CDYL: variants seen among roughly 807,000 people sequenced by gnomAD.
The protein encoded by CDYL is chromodomain Y-like protein.
In CDYL, 8 loss-of-function variants were observed where a neutral mutation model predicts 47.3. The ratio of observed to expected loss-of-function variants is 0.17; its 90% confidence interval spans 0.10 to 0.31. CDYL has a LOEUF of 0.31. CDYL is among the 10% of genes least tolerant of loss of function. The pLI is 1.00. For synonymous variants in CDYL, 266 were observed against 265.0 expected (o/e 1.00, Z -0.04); for missense variants, 471 against 701.4 (o/e 0.67, Z 3.71).
At chr6:4,709,773 C>T (rs1304925779) in intron 1 of CDYL, among the ~76,000 whole-genome samples, 1 of 152,226 alleles carries the variant, frequency 6.6e-6, no homozygotes, top group East Asian at 1.9e-4. Flanking sequence ...TCCTTGAAGA[C>T]AGGACAAAGG....
intron 3 of CDYL, among the ~76,000 whole-genome samples, chr6:4,741,977 C>T (rs1459776183): frequency 6.6e-6 from 1 of 152,060 alleles, no homozygotes; most frequent in Admixed American, 6.6e-5. Context: ...TGGTAATTTG[C>T]AAACCAAAAA....
chr6:4,817,513 A>G (rs911335049), intron 1 of CDYL, among the ~76,000 whole-genome samples: 1 of 152,164 alleles, frequency 6.6e-6, no homozygotes, highest in African/African-American at 2.4e-5. Context: ...TTTGATAGAA[A>G]AGTGTTATCT....
chr6:4,748,076 C>T (rs983395656), intron 3 of CDYL, among the ~76,000 whole-genome samples: 3 of 152,000 alleles, frequency 2.0e-5, no homozygotes, highest in Admixed American at 6.5e-5. Context: ...TGTCAGGGAG[C>T]TTCTCGACAC....
intron 1 of CDYL, among the ~76,000 whole-genome samples, chr6:4,885,069 C>G (rs1423030492): frequency 6.6e-6 from 1 of 152,144 alleles, no homozygotes; most frequent in Admixed American, 6.6e-5. Flanking sequence ...TCACAGCTCA[C>G]TGTAGCCTAG....
intron 2 of CDYL, among the ~76,000 whole-genome samples, chr6:4,924,993 A>G (rs756633475): frequency 1.3e-5 from 2 of 152,244 alleles, no homozygotes; most frequent in Non-Finnish European, 2.9e-5. Flanking sequence ...TTGCCTGTAG[A>G]AGTGGGCCTT....
In CDYL at chr6:4,722,894, C is replaced by T. The variant is rs116769484; in HGVS notation, c.103+7013C>T. ...CATTGTCTCAAAAAATAAAATAAAG[C>T]CCACAGTCCTGGGAACACCCCACAG... is the stretch of plus-strand genomic sequence containing the variant. On this transcript the variant is annotated intron_variant, in intron 2 of 8. Coordinates refer to the CDYL transcript ENST00000328908. Among the ~76,000 whole-genome samples, 196 of 152,138 alleles carry T rather than the reference C, an allele frequency of 1.3e-3. 2 individuals are homozygous for T. Among genetic ancestry groups the T allele is most frequent in the African/African-American group, 4.6e-3 (193 of 41,518 alleles).
chr6:4,734,885 C>A, intron 3 of CDYL: 1 of 1,611,920 alleles, frequency 6.2e-7, no homozygotes. Flanking sequence ...TGGAGTCCAT[C>A]TGGCAAGGAA....
At chr6:4,832,880 T>C (rs1392694019) in intron 1 of CDYL, among the ~76,000 whole-genome samples, 3 of 150,326 alleles carry the variant, frequency 2.0e-5, no homozygotes, top group Non-Finnish European at 4.5e-5. Flanking sequence ...GTTTGTAGTA[T>C]TCTCTGATGG....
At chr6:4,844,247 A>G (rs959080820) in intron 1 of CDYL, among the ~76,000 whole-genome samples, 1 of 152,078 alleles carries the variant, frequency 6.6e-6, no homozygotes, top group Admixed American at 6.5e-5. Context: ...GGTTTTGTTC[A>G]TTGTTACTAG....
At chr6:4,776,839 CCCCGCCCGCCGCCCCTCCCGG>C (rs534300464) in intron 1 of CDYL, 32 bp downstream of exon 1, 31,131 of 878,806 alleles carry the variant, frequency 0.035, 630 homozygotes, top group African/African-American at 0.043. Flanking sequence ...TCGGGCCGCC[CCCCGCCCGCCGCCCCTCCCGG>C]CCCGGCCGCG....
In CDYL at chr6:4,955,496, ATATT is replaced by A. The variant is rs1758842674; in HGVS notation, c.*1441_*1444del. 1 of 152,678 alleles carries A rather than the reference ATATT, an allele frequency of 6.5e-6. No homozygotes were observed. Among genetic ancestry groups the A allele is most frequent in the South Asian group, 2.1e-4 (1 of 4,834 alleles). 9.5% of individuals were successfully genotyped at this position (152,678 alleles called of 1,614,324 possible). A position where few individuals can be genotyped will look rare whatever the true frequency, so the allele number is the denominator to read the frequency against. ...AATCTGTAAAGTTTTTATAGAATAA[ATATT>A]CAGCTGTGAAAACTGGTTAAATAAA... On this transcript the variant is annotated 3_prime_UTR_variant, in exon 7 of 7. Transcript: ENST00000397588.
At chr6:4,709,314 G>C (rs966904671) in intron 1 of CDYL, among the ~76,000 whole-genome samples, 1 of 152,066 alleles carries the variant, frequency 6.6e-6, no homozygotes, top group Non-Finnish European at 1.5e-5. Flanking sequence ...TCCTGCCTCA[G>C]CCTGCCAAGT....
intron 2 of CDYL, among the ~76,000 whole-genome samples, chr6:4,718,159 C>CT (rs1223941867): frequency 6.6e-6 from 1 of 152,026 alleles, no homozygotes; most frequent in Non-Finnish European, 1.5e-5. Flanking sequence ...TTTGAATATA[C>CT]CTAAGACATT....
chr6:4,916,803 A>G (rs1011087691), intron 2 of CDYL, among the ~76,000 whole-genome samples: 42 of 152,146 alleles, frequency 2.8e-4, no homozygotes, highest in African/African-American at 9.9e-4. Flanking sequence ...GATGCTTCCT[A>G]ATTCCAAGGA....
At chr6:4,846,702 T>G (rs1306983278) in intron 1 of CDYL, among the ~76,000 whole-genome samples, 1 of 152,050 alleles carries the variant, frequency 6.6e-6, no homozygotes, top group Non-Finnish European at 1.5e-5. Flanking sequence ...AAGCAAGACA[T>G]AGAAAAAATA....
Position 4,763,840 on chromosome 6 carries a change from G to A in CDYL, c.186+28996G>A, listed in dbSNP as rs1758212165. ...TGCCTATAGTTCCAGCTACTCAGGA[G>A]GCTGAAGCAGGAGAATCACTTGAAC... is the stretch of plus-strand genomic sequence containing the variant. On this transcript the variant is annotated intron_variant, in intron 3 of 8. Coordinates refer to the CDYL transcript ENST00000328908. 3.3e-5 allele frequency among the ~76,000 whole-genome samples: 5 copies of A among 152,194 alleles called. No individual in the cohort carries two copies. The South Asian group carries it at 1.0e-3, about 32-fold the overall frequency.
At chr6:4,820,370 C>T (rs369688985) in intron 1 of CDYL, among the ~76,000 whole-genome samples, 1 of 152,158 alleles carries the variant, frequency 6.6e-6, no homozygotes, top group Non-Finnish European at 1.5e-5. Context: ...TAAAGCTAGG[C>T]GTTTCTCCCT....
intron 2 of CDYL, among the ~76,000 whole-genome samples, chr6:4,897,040 G>A (rs934336107): frequency 6.6e-5 from 10 of 152,144 alleles, no homozygotes; most frequent in African/African-American, 2.2e-4. Context: ...CTAAAATTTA[G>A]GTGATGCAGC....
At chr6:4,729,315 T>C (rs1757565697) in intron 2 of CDYL, among the ~76,000 whole-genome samples, 1 of 152,178 alleles carries the variant, frequency 6.6e-6, no homozygotes, top group Admixed American at 6.5e-5. Context: ...TCAAGCCTTT[T>C]TCCGATCTAT....
Sources: gnomAD v4.1 joint callset for allele counts (sites outside exome capture counted in the v4.1 genomes callset) on GRCh38, gnomAD v4.1.1 for gene constraint, MANE v1.5 for transcripts, NCBI Gene and HGNC (gene_info 2026-07-23, HGNC 2026-07-21) for gene names.